ZFAND3: variants seen among roughly 807,000 people sequenced by gnomAD.
ZFAND3 encodes zinc finger AN1-type containing 3, also known as AN1-type zinc finger protein 3.
ZFAND3 carries 10 observed loss-of-function variants against 29.6 expected under a neutral mutation model. That is an observed-to-expected ratio of 0.34 (90% CI 0.21 to 0.57). The LOEUF (loss-of-function observed/expected upper bound fraction) is 0.57. Among genes scored for constraint, ZFAND3 ranks in the 20% least tolerant of loss-of-function variants. The probability of loss-of-function intolerance (pLI) is 0.86; values close to 1 mark genes in which losing one functional copy is unlikely to be tolerated. For synonymous variants in ZFAND3, 128 were observed against 112.6 expected (o/e 1.14, Z -0.87); for missense variants, 230 against 304.5 (o/e 0.76, Z 1.82).
intron 2 of ZFAND3, among the ~76,000 whole-genome samples, chr6:37,976,618 A>G (rs138592436): frequency 4.0e-5 from 6 of 150,196 alleles, no homozygotes; most frequent in Admixed American, 6.6e-5. Context: ...ATACTACCCG[A>G]GACTGGGTAA....
At chr6:38,120,291 A>G (rs1765505602) in intron 5 of ZFAND3, among the ~76,000 whole-genome samples, 1 of 122,118 alleles carries the variant, frequency 8.2e-6, no homozygotes, top group African/African-American at 3.1e-5. Flanking sequence ...CTCTGAGCAG[A>G]TCTTGATTGA....
chr6:38,098,895 TTTTTTGTTTTTTG>T (rs1001156972), intron 4 of ZFAND3, among the ~76,000 whole-genome samples: 3 of 152,122 alleles, frequency 2.0e-5, no homozygotes, highest in African/African-American at 7.2e-5. Flanking sequence ...GTGGTTTTTG[TTTTTTGTTTTTTG>T]TTTTTGTTTT....
Position 38,152,574 on chromosome 6 carries a change from G to T in ZFAND3, c.*185G>T, listed in dbSNP as rs959322034. 2 of 1,268,080 alleles carry T rather than the reference G, an allele frequency of 1.6e-6. No homozygotes were observed. Among genetic ancestry groups the T allele is most frequent in the Non-Finnish European group, 2.0e-6 (2 of 1,007,452 alleles). The allele number at this position is 1,268,080 out of a possible 1,614,324, so 78.6% of individuals were successfully genotyped here. On this transcript the variant is annotated 3_prime_UTR_variant, in exon 6 of 6. Coordinates refer to ENST00000287218, the MANE Select transcript of ZFAND3 (RefSeq NM_021943.3). The stretch of plus-strand genomic sequence containing the variant: ...TGATGGTGGTTGAAATTGATTTCTG[G>T]CTGGTTACTAAGGTGCCTGCTAGCC...
rs1765560553 is a variant in ZFAND3 at position 37,913,574 on chromosome 6, C to CTG, written c.72-16382_72-16381dup. ...AGAGTTGGAATCAACTTCCAAACTCCTGTGAATGTTGCTTTTTTGACCTCT... is the reference window on the plus strand; with the variant it reads ...AGAGTTGGAATCAACTTCCAAACTCCTGTGTGAATGTTGCTTTTTTGACCTCT... On this transcript the variant is annotated intron_variant, in intron 1 of 5. Coordinates refer to ENST00000287218, the MANE Select transcript of ZFAND3 (RefSeq NM_021943.3). 3.9e-5 allele frequency among the ~76,000 whole-genome samples: 6 copies of CTG among 152,164 alleles called. No individual in the cohort carries two copies. In the South Asian group the frequency reaches 1.2e-3, roughly 32 times the overall value.
At chr6:37,857,572 T>C (rs1482615579) in intron 1 of ZFAND3, among the ~76,000 whole-genome samples, 1 of 152,202 alleles carries the variant, frequency 6.6e-6, no homozygotes, top group Non-Finnish European at 1.5e-5. Context: ...TGATGTGTGA[T>C]TTATGGAACA....
At chr6:37,948,822 T>C (rs1445184553) in intron 2 of ZFAND3, among the ~76,000 whole-genome samples, 1 of 152,218 alleles carries the variant, frequency 6.6e-6, no homozygotes, top group Admixed American at 6.5e-5. Context: ...TCTGTGGTGT[T>C]GTCTGTACCA....
At chr6:37,960,658 T>C (rs889690805) in intron 2 of ZFAND3, among the ~76,000 whole-genome samples, 1 of 152,210 alleles carries the variant, frequency 6.6e-6, no homozygotes, top group African/African-American at 2.4e-5. Flanking sequence ...AATGTTGCTG[T>C]ATTTACATGT....
chr6:37,958,546 G>A (rs140615898), intron 2 of ZFAND3, among the ~76,000 whole-genome samples: 24 of 151,570 alleles, frequency 1.6e-4, no homozygotes, highest in Admixed American at 9.2e-4. Context: ...TATTTCTGCC[G>A]TCACTCTAAT....
Position 38,144,197 on chromosome 6 carries a change from A to AT in ZFAND3, c.530-8037dup, listed in dbSNP as rs1407371952. On this transcript the variant is annotated intron_variant, in intron 5 of 5. Transcript: ENST00000287218. ...ATATATATATATAATATATATATAT[A>AT]TATATATATATATAATATATAATAT... Among the ~76,000 whole-genome samples, 171 of 34,292 alleles carry AT rather than the reference A, an allele frequency of 5.0e-3. 2 individuals carry two copies. Among genetic ancestry groups the AT allele is most frequent in the African/African-American group, 0.028 (161 of 5,700 alleles). The allele number at this position is 34,292 out of a possible 152,430, so 22.5% of individuals were successfully genotyped here.
At chr6:37,927,038 GTAA>G (rs903727590) in intron 1 of ZFAND3, among the ~76,000 whole-genome samples, 11 of 152,164 alleles carry the variant, frequency 7.2e-5, no homozygotes, top group African/African-American at 2.4e-4. Context: ...TCTGTTTTGA[GTAA>G]TAATATCAGT....
intron 1 of ZFAND3, among the ~76,000 whole-genome samples, chr6:37,890,078 A>C (rs1002835633): frequency 6.6e-6 from 1 of 152,208 alleles, no homozygotes; most frequent in Non-Finnish European, 1.5e-5. Context: ...GGTATTTTAA[A>C]AAAGGACATG....
chr6:37,883,450 G>GTT (rs1159476118), intron 1 of ZFAND3, among the ~76,000 whole-genome samples: 1 of 147,102 alleles, frequency 6.8e-6, no homozygotes, highest in African/African-American at 2.7e-5. Flanking sequence ...AAAGTACCCA[G>GTT]ACTACAAATG....
intron 1 of ZFAND3, among the ~76,000 whole-genome samples, chr6:37,893,773 C>G (rs974717298): frequency 6.6e-6 from 1 of 152,002 alleles, no homozygotes; most frequent in African/African-American, 2.4e-5. Flanking sequence ...AGGCTGGTCT[C>G]GAACTCCTGA....
At chr6:38,006,167 T>C (rs981647444) in intron 2 of ZFAND3, among the ~76,000 whole-genome samples, 11 of 152,234 alleles carry the variant, frequency 7.2e-5, no homozygotes, top group Non-Finnish European at 1.6e-4. Context: ...CTTCCCATTA[T>C]GACATGCAGT....
At chr6:38,104,512 C>G (rs141845512) in intron 4 of ZFAND3, among the ~76,000 whole-genome samples, 16 of 151,784 alleles carry the variant, frequency 1.1e-4, no homozygotes, top group African/African-American at 3.9e-4. Context: ...TTAAAAATAA[C>G]ATGCAAGTAT....
Position 37,834,662 on chromosome 6 carries a change from G to A in ZFAND3, c.71+14646G>A, listed in dbSNP as rs369893804. On this transcript the variant is annotated intron_variant, in intron 1 of 5. Transcript: ENST00000287218. ...CTCCATATCCTTGTCAGCATTTGGTGGTGTTGAATGCTGACACTATATGAT... is the reference window on the plus strand; with the variant it reads ...CTCCATATCCTTGTCAGCATTTGGTAGTGTTGAATGCTGACACTATATGAT... Among the ~76,000 whole-genome samples, 142 of 151,310 alleles carry A rather than the reference G, an allele frequency of 9.4e-4. 5 individuals carry two copies. The South Asian group carries it at 0.028, about 30-fold the overall frequency.
chr6:37,987,045 C>G (rs1256763250), intron 2 of ZFAND3, among the ~76,000 whole-genome samples: 1 of 152,146 alleles, frequency 6.6e-6, no homozygotes, highest in African/African-American at 2.4e-5. Context: ...GAATTAATAG[C>G]CTTGAAAATA....
chr6:37,973,948 A>C (rs955644590), intron 2 of ZFAND3, among the ~76,000 whole-genome samples: 2 of 152,236 alleles, frequency 1.3e-5, no homozygotes, highest in Admixed American at 1.3e-4. Flanking sequence ...AGACAGCTTT[A>C]GTGACCGAGA....
chr6:38,016,929 A>G (rs1561967538), intron 2 of ZFAND3, among the ~76,000 whole-genome samples: 1 of 152,184 alleles, frequency 6.6e-6, no homozygotes, highest in African/African-American at 2.4e-5. Context: ...CTTCCTTACT[A>G]TGTGTCAGAA....
Sources: allele counts gnomAD v4.1 joint callset (sites outside exome capture counted in the v4.1 genomes callset), GRCh38; gene constraint gnomAD v4.1.1; transcripts MANE v1.5; gene names NCBI Gene and HGNC (gene_info 2026-07-23, HGNC 2026-07-21).